Variants in SPAST observed in about 807,000 individuals in gnomAD.
The protein encoded by SPAST is spastic paraplegia 4 (autosomal dominant; spastin).
In SPAST, 30 loss-of-function variants were observed where a neutral mutation model predicts 76.6. That is an observed-to-expected ratio of 0.39 (90% CI 0.29 to 0.53). The LOEUF is 0.53. Among genes scored for constraint, SPAST ranks in the 20% least tolerant of loss-of-function variants. The probability of loss-of-function intolerance (pLI) is 0.68; values close to 1 mark genes in which losing one functional copy is unlikely to be tolerated. For missense variants in SPAST, 717 were observed against 770.5 expected (o/e 0.93, Z 0.82); for synonymous variants, 305 against 281.0 (o/e 1.09, Z -0.86).
At chr2:32,078,192 G>A (rs375031058) in intron 1 of SPAST, among the ~76,000 whole-genome samples, 91 of 152,100 alleles carry the variant, frequency 6.0e-4, no homozygotes, top group African/African-American at 2.1e-3. Flanking sequence ...GGGTTTCACC[G>A]TTTTAGCCGG....
chr2:32,075,679 A>G (rs1249123584), intron 1 of SPAST, among the ~76,000 whole-genome samples: 4 of 149,304 alleles, frequency 2.7e-5, no homozygotes, highest in Non-Finnish European at 5.9e-5. Flanking sequence ...CCTCACAAGT[A>G]GATGGGACTA....
intron 4 of SPAST, among the ~76,000 whole-genome samples, chr2:32,104,075 G>GTCTCTT: frequency 6.6e-6 from 1 of 152,156 alleles, no homozygotes; most frequent in East Asian, 1.9e-4. Context: ...CAGTATTATT[G>GTCTCTT]TGTGGGAGTC....
intron 1 of SPAST, chr2:32,066,003 TC>T: frequency 6.7e-6 from 1 of 149,332 alleles, no homozygotes; most frequent in South Asian, 2.1e-4. Context: ...AGATGGAGTC[TC>T]CCTGTGTCAC....
At chr2:32,077,519 G>A (rs749639091) in intron 1 of SPAST, among the ~76,000 whole-genome samples, 42 of 152,132 alleles carry the variant, frequency 2.8e-4, no homozygotes, top group Non-Finnish European at 5.7e-4. Flanking sequence ...GTCAGAGTTA[G>A]GTAAAAGAAA....
chr2:32,120,966 T>C (rs1678997985), intron 7 of SPAST, among the ~76,000 whole-genome samples: 1 of 152,240 alleles, frequency 6.6e-6, no homozygotes, highest in African/African-American at 2.4e-5. Context: ...TATTGTCTTC[T>C]AGCTTCCAGT....
chr2:32,101,834 A>C (rs1038147702), intron 4 of SPAST, among the ~76,000 whole-genome samples: 29 of 152,078 alleles, frequency 1.9e-4, no homozygotes, highest in African/African-American at 7.0e-4. Context: ...ATTGGTCTAT[A>C]TCTCTGTTTT....
intron 1 of SPAST, among the ~76,000 whole-genome samples, chr2:32,085,205 C>CTT (rs11399879): frequency 0.01 from 1,201 of 119,714 alleles, 28 homozygotes; most frequent in African/African-American, 0.029. Context: ...TCTTCTTCTT[C>CTT]TTTTTTTTTT....
Position 32,064,174 on chromosome 2 carries a change from C to T in SPAST, c.343C>T (p.Arg115Cys), listed in dbSNP as rs1272546651. Residue 115 changes from arginine to cysteine, a missense_variant, in exon 1 of 17, where the codon CGC becomes TGC. Transcript: ENST00000315285. ...GCCGGTGCCGGGCGGCGAGGCCGAG[C>T]GCGTCCGAGTCTTCCACAAACAGGC... ...PAPVPGGEAE[R>C]VRVFHKQAFE... 1.1e-5 allele frequency: 17 copies of T among 1,551,444 alleles called. No individual in the cohort carries two copies. Among genetic ancestry groups the T allele is most frequent in the Non-Finnish European group, 1.4e-5 (16 of 1,148,212 alleles).
At chr2:32,124,063 T>C (rs760056924) in intron 7 of SPAST, among the ~76,000 whole-genome samples, 1 of 152,070 alleles carries the variant, frequency 6.6e-6, no homozygotes, top group African/African-American at 2.4e-5. Context: ...CTGTGTAAGA[T>C]GCTGTTAGGA....
chr2:32,122,539 C>G (rs1195237877), intron 7 of SPAST, among the ~76,000 whole-genome samples: 1 of 152,042 alleles, frequency 6.6e-6, no homozygotes, highest in Non-Finnish European at 1.5e-5. Flanking sequence ...CCAGTCTAGT[C>G]TCGAACTCCT....
At chr2:32,073,729 T>C (rs1280835535) in intron 1 of SPAST, among the ~76,000 whole-genome samples, 1 of 152,248 alleles carries the variant, frequency 6.6e-6, no homozygotes, top group African/African-American at 2.4e-5. Flanking sequence ...TTATTAACAA[T>C]CGCTGATCTT....
chr2:32,132,775 G>C (rs1311663691), intron 9 of SPAST, among the ~76,000 whole-genome samples: 1 of 152,146 alleles, frequency 6.6e-6, no homozygotes, highest in South Asian at 2.1e-4. Flanking sequence ...TTGGGAGGCC[G>C]AGGTGGGCAG....
At chr2:32,117,221 C>G (rs1184987367) in intron 7 of SPAST, among the ~76,000 whole-genome samples, 1 of 152,028 alleles carries the variant, frequency 6.6e-6, no homozygotes, top group Non-Finnish European at 1.5e-5. Context: ...CCACTGCACT[C>G]CAGCCTGGCG....
intron 13 of SPAST, 46 bp from the exon 14 acceptor site, chr2:32,143,290 T>C: frequency 8.6e-7 from 1 of 1,157,696 alleles, no homozygotes. Flanking sequence ...AAAAGAATCA[T>C]TAATTCTGAA....
intron 9 of SPAST, chr2:32,129,354 G>A (rs1679297266): frequency 6.6e-6 from 1 of 151,548 alleles, no homozygotes; most frequent in African/African-American, 2.4e-5. Context: ...CTCTCAAAGT[G>A]CTGGAATTAC....
chr2:32,082,353 G>C (rs1341285026), intron 1 of SPAST, among the ~76,000 whole-genome samples: 1 of 151,752 alleles, frequency 6.6e-6, no homozygotes, highest in Non-Finnish European at 1.5e-5. Context: ...TATAATCCAA[G>C]CCCAAATGGA....
rs1284872061 is a variant in SPAST, at chr2:32,136,547, T to A, written c.1246-16T>A. ...GTTGCATTTTATGTGTATAACAGTA[T>A]AATGCTTTGTTTTAGGTGGGAGAAG... On this transcript the variant is annotated splice_polypyrimidine_tract_variant and intron_variant, in intron 9 of 16. Coordinates refer to ENST00000315285, the MANE Select transcript of SPAST (RefSeq NM_014946.4). 6.3e-7 allele frequency: 1 copy of A among 1,590,174 alleles called. No homozygotes were observed. Among genetic ancestry groups the A allele is most frequent in the Admixed American group, 1.7e-5 (1 of 59,988 alleles).
At chr2:32,087,770 A>C (rs1355392125) in intron 2 of SPAST, among the ~76,000 whole-genome samples, 192 bp downstream of exon 2, 1 of 137,568 alleles carries the variant, frequency 7.3e-6, no homozygotes, top group Non-Finnish European at 1.5e-5. Flanking sequence ...ATCATAGCTC[A>C]CTGCAACCTC....
chr2:32,087,463 A>T, intron 1 of SPAST, 29 bp from the exon 2 acceptor site: 1 of 1,368,704 alleles, frequency 7.3e-7, no homozygotes, highest in East Asian at 2.3e-5. Context: ...TCTTCATACG[A>T]TCTATACAAA....
Sources: gnomAD v4.1 joint callset for allele counts (sites outside exome capture counted in the v4.1 genomes callset) on GRCh38, gnomAD v4.1.1 for gene constraint, MANE v1.5 for transcripts, NCBI Gene and HGNC (gene_info 2026-07-23, HGNC 2026-07-21) for gene names.